The following CCDC82 variants were observed in gnomAD, a reference collection of about 807,000 sequenced individuals.
CCDC82 encodes coiled-coil domain containing 82.
Under a neutral mutation model 60.6 loss-of-function variants are expected in CCDC82, and 47 were observed. That is an observed-to-expected ratio of 0.77 (90% CI 0.61 to 0.99). The LOEUF is 0.99. Ranked by LOEUF, CCDC82 falls within the 50% of genes least tolerant of loss-of-function variation. The probability of loss-of-function intolerance (pLI) is 0.00; values close to 1 mark genes in which losing one functional copy is unlikely to be tolerated. For missense variants in CCDC82, 588 were observed against 633.0 expected (o/e 0.93, Z 0.76); for synonymous variants, 212 against 207.4 (o/e 1.02, Z -0.19).
intron 7 of CCDC82, among the ~76,000 whole-genome samples, chr11:96,366,601 T>C (rs1591179250): frequency 6.6e-6 from 1 of 152,162 alleles, no homozygotes; most frequent in Non-Finnish European, 1.5e-5. Context: ...GAAATAATAG[T>C]GCCCTCCAGC....
intron 4 of CCDC82, 102 bp from the exon 5 acceptor site, chr11:96,383,575 T>C (rs141625044): frequency 1.9e-4 from 137 of 725,338 alleles, no homozygotes; most frequent in Middle Eastern, 1.3e-3. Flanking sequence ...AAATGATCCA[T>C]AGTAATTAAC....
intron 5 of CCDC82, chr11:96,380,987 T>A (rs1389382323): frequency 6.6e-6 from 1 of 151,672 alleles, no homozygotes; most frequent in East Asian, 1.9e-4. Context: ...AGTTAATAAC[T>A]GTAACAGAGG....
chr11:96,364,821 A>T, intron 8 of CCDC82, 159 bp downstream of exon 8: 1 of 575,864 alleles, frequency 1.7e-6, no homozygotes. Flanking sequence ...CTATTAGATG[A>T]ACAGCTATCT....
At chr11:96,365,437 T>C (rs2136105321) in intron 7 of CCDC82, among the ~76,000 whole-genome samples, 1 of 152,268 alleles carries the variant, frequency 6.6e-6, no homozygotes, top group African/African-American at 2.4e-5. Flanking sequence ...CCATTTCTCA[T>C]CTCTAGTTAG....
chr11:96,384,891 G>C, intron 3 of CCDC82, 130 bp from the exon 4 acceptor site: 1 of 564,934 alleles, frequency 1.8e-6, no homozygotes, highest in Non-Finnish European at 3.0e-6. Flanking sequence ...TGAAATATCT[G>C]AGTGAAGATG....
chr11:96,369,707 T>C lies in CCDC82; in HGVS notation c.1209+1306A>G, dbSNP rs756744405. On this transcript the variant is annotated intron_variant, in intron 7 of 9. Coordinates refer to ENST00000646818, the MANE Select transcript of CCDC82 (RefSeq NM_024725.4). ...GAAAAAGTTTGAAATACTGCAATAA[T>C]TACCAAAATGTGACAGAGATGAATA... Among the ~76,000 whole-genome samples, 3 of 152,146 alleles carry C rather than the reference T, an allele frequency of 2.0e-5. No individual in the cohort carries two copies. The South Asian group carries it at 6.2e-4, about 32-fold the overall frequency.
intron 4 of CCDC82, 84 bp downstream of exon 4, chr11:96,383,878 C>T (rs537949248): frequency 3.5e-5 from 42 of 1,201,636 alleles, no homozygotes; most frequent in East Asian, 3.3e-4. Flanking sequence ...AGAAATGGAA[C>T]GGACTCAGCA....
intron 5 of CCDC82, among the ~76,000 whole-genome samples, chr11:96,380,181 A>T (rs914030231): frequency 6.6e-6 from 1 of 151,760 alleles, no homozygotes; most frequent in African/African-American, 2.4e-5. Flanking sequence ...AAGAGCCTGA[A>T]TACAGTGCTT....
intron 7 of CCDC82, among the ~76,000 whole-genome samples, chr11:96,365,400 T>C (rs1258110971): frequency 6.6e-6 from 1 of 152,208 alleles, no homozygotes; most frequent in African/African-American, 2.4e-5. Flanking sequence ...TCATATCTCT[T>C]ACACTTCTGC....
At chr11:96,359,816 C>T (rs1864546321) in intron 8 of CCDC82, among the ~76,000 whole-genome samples, 1 of 150,676 alleles carries the variant, frequency 6.6e-6, no homozygotes, top group African/African-American at 2.4e-5. Context: ...TTCTTTTCCC[C>T]CCCCAAAAAA....
rs1866000168 is a variant in CCDC82, at chr11:96,383,601, T to A, written c.787-128A>T. The A allele has an allele frequency of 1.2e-5, 7 of 592,698 alleles. No individual in the cohort carries two copies. In the Admixed American group the frequency reaches 1.3e-4, roughly 11 times the overall value. 36.7% of individuals were successfully genotyped at this position (592,698 alleles called of 1,614,324 possible). ...AGTAATTAACTTCATATTTTAAAGTTAAAAATAAATAATTTTGTCATATTA... is the reference window on the plus strand; with the variant it reads ...AGTAATTAACTTCATATTTTAAAGTAAAAAATAAATAATTTTGTCATATTA... On this transcript the variant is annotated intron_variant, in intron 4 of 9. Coordinates refer to ENST00000646818, the MANE Select transcript of CCDC82 (RefSeq NM_024725.4).
chr11:96,371,164 A>T, intron 6 of CCDC82, 27 bp from the exon 7 acceptor site: 2 of 1,452,108 alleles, frequency 1.4e-6, no homozygotes, highest in Non-Finnish European at 1.8e-6. Context: ...CAACAAAAAA[A>T]ATCATTTTGT....
intron 8 of CCDC82, among the ~76,000 whole-genome samples, chr11:96,362,030 G>A (rs939328806): frequency 1.3e-5 from 2 of 152,172 alleles, no homozygotes; most frequent in Non-Finnish European, 2.9e-5. Flanking sequence ...TATGAACCAA[G>A]TGATCGCACA....
At position 96,363,150 on chromosome 11, in the gene CCDC82, T is replaced by C. The variant is rs182180960; in HGVS notation, c.1380+1830A>G. ...TTTTGTATTTTTAGTAGAGACGGGG[T>C]TTCACGTGTTAGCCAGGATGGTCTC... On this transcript the variant is annotated intron_variant, in intron 8 of 9. Transcript: ENST00000646818. 8.7e-3 allele frequency: 1,331 copies of C among 152,168 alleles called. 19 individuals carry two copies. Among genetic ancestry groups the C allele is most frequent in the Admixed American group, 0.034 (521 of 15,282 alleles). The allele number at this position is 152,168 out of a possible 1,614,324, so 9.4% of individuals were successfully genotyped here.
chr11:96,373,354 T>G, intron 6 of CCDC82, 21 bp downstream of exon 6: 1 of 1,413,532 alleles, frequency 7.1e-7, no homozygotes, highest in Non-Finnish European at 9.8e-7. Context: ...ACCAATTGTT[T>G]CATTCATAGT....
chr11:96,379,573 G>A (rs1865763260), intron 5 of CCDC82, among the ~76,000 whole-genome samples: 2 of 151,750 alleles, frequency 1.3e-5, no homozygotes, highest in African/African-American at 4.8e-5. Context: ...GGAAGTAGGG[G>A]CACCCACATG....
intron 9 of CCDC82, chr11:96,355,902 T>C (rs1222600281): frequency 6.6e-6 from 1 of 152,170 alleles, no homozygotes; most frequent in Non-Finnish European, 1.5e-5. Context: ...ACAGTTGGAA[T>C]TGTGGAAATG....
chr11:96,380,773 T>C (rs780363857), intron 5 of CCDC82: 2 of 151,754 alleles, frequency 1.3e-5, no homozygotes, highest in Non-Finnish European at 3.0e-5. Context: ...ATATGACAGT[T>C]TGGCAAAAGC....
At chr11:96,370,890 A>G in intron 7 of CCDC82, 123 bp downstream of exon 7, 1 of 792,018 alleles carries the variant, frequency 1.3e-6, no homozygotes, top group Non-Finnish European at 1.8e-6. Context: ...GTGAGAAATA[A>G]TAAGCTGATT....
Sources: allele counts gnomAD v4.1 joint callset (sites outside exome capture counted in the v4.1 genomes callset), GRCh38; gene constraint gnomAD v4.1.1; transcripts MANE v1.5; gene names NCBI Gene and HGNC (gene_info 2026-07-23, HGNC 2026-07-21).